RIT2: variants seen among roughly 807,000 people sequenced by gnomAD.
RIT2 encodes Ras like without CAAX 2.
Under a neutral mutation model 23.7 loss-of-function variants are expected in RIT2, and 24 were observed. That is an observed-to-expected ratio of 1.01 (90% confidence interval 0.73 to 1.43). The LOEUF (loss-of-function observed/expected upper bound fraction) is 1.43. Ranked by LOEUF, RIT2 falls within the 40% of genes most tolerant of loss-of-function variation. RIT2 has a pLI of 0.00. For missense variants in RIT2, 236 were observed against 266.9 expected (o/e 0.88, Z 0.81); for synonymous variants, 107 against 91.1 (o/e 1.17, Z -0.99).
chr18:42,891,455 G>T (rs1014686724), intron 4 of RIT2, among the ~76,000 whole-genome samples: 5 of 152,068 alleles, frequency 3.3e-5, no homozygotes, highest in African/African-American at 9.7e-5. Flanking sequence ...AGAAAAACCT[G>T]CACATAGATT....
intron 1 of RIT2, among the ~76,000 whole-genome samples, chr18:43,096,134 A>G (rs955653144): frequency 1.3e-5 from 2 of 151,974 alleles, no homozygotes; most frequent in South Asian, 2.1e-4. Context: ...GAGTGAATAT[A>G]AATCCCAACT....
At chr18:43,016,866 C>A (rs1008743413) in intron 2 of RIT2, among the ~76,000 whole-genome samples, 1 of 151,884 alleles carries the variant, frequency 6.6e-6, no homozygotes, top group East Asian at 1.9e-4. Flanking sequence ...ATGTTGTCCT[C>A]CTTAGTCACC....
At chr18:42,764,849 A>G (rs1054597361) in intron 4 of RIT2, among the ~76,000 whole-genome samples, 10 of 152,244 alleles carry the variant, frequency 6.6e-5, no homozygotes, top group African/African-American at 1.7e-4. Context: ...ATTAAAACAA[A>G]AGTTTGCTTA....
intron 4 of RIT2, among the ~76,000 whole-genome samples, chr18:42,882,730 T>C (rs1478394572): frequency 1.3e-5 from 2 of 152,200 alleles, no homozygotes; most frequent in African/African-American, 2.4e-5. Context: ...AGGAGGAATA[T>C]GGTCTTCTCC....
In RIT2 at chr18:43,057,227, T is replaced by C. The variant is rs141093134; in HGVS notation, c.104-23360A>G. On this transcript the variant is annotated intron_variant, in intron 1 of 4. Transcript: ENST00000326695. ...GCATGCCTTCTCTTGTCCTATAATA[T>C]ATTGTTCTAATCAGTAGACCTATTT... Among the ~76,000 whole-genome samples, 442 of 152,264 alleles carry C rather than the reference T, an allele frequency of 2.9e-3. 1 individual carries two copies. The highest frequency in any genetic ancestry group is 0.01 in the African/African-American group (425 of 41,574).
intron 2 of RIT2, among the ~76,000 whole-genome samples, chr18:42,981,206 T>C (rs1224686878): frequency 1.3e-5 from 2 of 152,154 alleles, no homozygotes; most frequent in East Asian, 3.9e-4. Context: ...TTGGTCTACC[T>C]TTTTAACACC....
intron 4 of RIT2, among the ~76,000 whole-genome samples, chr18:42,917,523 C>T (rs748087883): frequency 6.6e-6 from 1 of 152,090 alleles, no homozygotes; most frequent in African/African-American, 2.4e-5. Context: ...CTCAAGCTAC[C>T]ATCATTTCTC....
intron 4 of RIT2, among the ~76,000 whole-genome samples, chr18:42,780,512 T>C (rs1432475159): frequency 6.6e-6 from 1 of 152,120 alleles, no homozygotes; most frequent in African/African-American, 2.4e-5. Context: ...AGAAGGAGAT[T>C]CTCTACATAA....
chr18:42,993,829 A>G (rs1358484394), intron 2 of RIT2, among the ~76,000 whole-genome samples: 1 of 151,978 alleles, frequency 6.6e-6, no homozygotes, highest in East Asian at 1.9e-4. Context: ...TTACCATTTC[A>G]TTAAAACCTA....
intron 3 of RIT2, among the ~76,000 whole-genome samples, chr18:42,953,952 C>A (rs896552037): frequency 1.3e-5 from 2 of 152,082 alleles, no homozygotes; most frequent in Admixed American, 1.3e-4. Context: ...AAACTTGAAA[C>A]AAGTTTGCTG....
At chr18:42,914,125 G>C (rs1325325976) in intron 4 of RIT2, among the ~76,000 whole-genome samples, 1 of 152,016 alleles carries the variant, frequency 6.6e-6, no homozygotes, top group Non-Finnish European at 1.5e-5. Flanking sequence ...ATCATAATGA[G>C]ATATCACTAT....
chr18:43,105,575 T>C (rs1022191266), intron 1 of RIT2, among the ~76,000 whole-genome samples: 4 of 147,816 alleles, frequency 2.7e-5, no homozygotes, highest in Non-Finnish European at 6.0e-5. Flanking sequence ...AGTTTTTATT[T>C]AGTATTTTCC....
chr18:42,743,747 AAGAC>A, intron 4 of RIT2, 27 bp from the exon 5 acceptor site: 4 of 1,496,874 alleles, frequency 2.7e-6, no homozygotes, highest in Non-Finnish European at 3.7e-6. Flanking sequence ...TAATATTAAA[AAGAC>A]AGAAAGAGAA....
chr18:42,761,373 A>C (rs1913298562), intron 4 of RIT2, among the ~76,000 whole-genome samples: 1 of 152,296 alleles, frequency 6.6e-6, no homozygotes, highest in African/African-American at 2.4e-5. Flanking sequence ...GAAATCCCTA[A>C]GCATTTGCTT....
chr18:42,790,029 T>C (rs1421391450), intron 4 of RIT2, among the ~76,000 whole-genome samples: 1 of 152,224 alleles, frequency 6.6e-6, no homozygotes, highest in Non-Finnish European at 1.5e-5. Context: ...GTTTTTGTCA[T>C]GAAGGGATGC....
chr18:42,903,635 C>A (rs1262242835), intron 4 of RIT2, among the ~76,000 whole-genome samples: 1 of 151,990 alleles, frequency 6.6e-6, no homozygotes, highest in Non-Finnish European at 1.5e-5. Flanking sequence ...TGACTGCTAC[C>A]ACTACCCAAT....
At chr18:42,779,458 G>A (rs910432289) in intron 4 of RIT2, among the ~76,000 whole-genome samples, 2 of 152,040 alleles carry the variant, frequency 1.3e-5, no homozygotes, top group South Asian at 2.1e-4. Flanking sequence ...AGCTCACCCC[G>A]GTGGTTAAAA....
chr18:43,093,365 G>A (rs1913470271), intron 1 of RIT2, among the ~76,000 whole-genome samples: 2 of 152,048 alleles, frequency 1.3e-5, no homozygotes, highest in South Asian at 4.1e-4. Context: ...TCATTGAGGA[G>A]ATGGAAATGT....
chr18:42,775,613 C>T (rs1202176643), intron 4 of RIT2, among the ~76,000 whole-genome samples: 4 of 151,976 alleles, frequency 2.6e-5, no homozygotes, highest in African/African-American at 7.3e-5. Context: ...AGGAGAATGG[C>T]GTGAACCCGG....
Sources: gnomAD v4.1 joint callset for allele counts (sites outside exome capture counted in the v4.1 genomes callset) on GRCh38, gnomAD v4.1.1 for gene constraint, MANE v1.5 for transcripts, NCBI Gene and HGNC (gene_info 2026-07-23, HGNC 2026-07-21) for gene names.